TTC6: variants seen among roughly 807,000 people sequenced by gnomAD.
The protein encoded by TTC6 is tetratricopeptide repeat domain 6.
A neutral mutation model predicts 210.4 loss-of-function variants in TTC6; 172 were observed. The observed-to-expected ratio is 0.82, with a 90% CI of 0.72 to 0.93. The LOEUF (loss-of-function observed/expected upper bound fraction) is 0.93. Ranked by LOEUF, TTC6 falls within the 40% of genes least tolerant of loss-of-function variation. TTC6 has a pLI of 0.00. For synonymous variants in TTC6, 804 were observed against 819.6 expected (o/e 0.98, Z 0.32); for missense variants, 2,414 against 2,318.1 (o/e 1.04, Z -0.85).
At chr14:37,676,454 C>T (rs2095769715) in intron 1 of TTC6, among the ~76,000 whole-genome samples, 1 of 151,938 alleles carries the variant, frequency 6.6e-6, no homozygotes, top group Non-Finnish European at 1.5e-5. Flanking sequence ...CTTATATATT[C>T]CTAATACTAG....
At chr14:37,725,421 G>T (rs1175382057) in intron 7 of TTC6, among the ~76,000 whole-genome samples, 3 of 143,698 alleles carry the variant, frequency 2.1e-5, no homozygotes, top group African/African-American at 7.7e-5. Flanking sequence ...TGCGATCTTG[G>T]CTCACCGCAA....
At chr14:37,643,415 G>T (rs1187268775) in intron 1 of TTC6, among the ~76,000 whole-genome samples, 2 of 152,158 alleles carry the variant, frequency 1.3e-5, no homozygotes, top group Non-Finnish European at 2.9e-5. Context: ...TTTTCAACTT[G>T]AGAGAATGGG....
chr14:37,771,307 T>C (rs1312028369), intron 14 of TTC6, among the ~76,000 whole-genome samples: 1 of 151,942 alleles, frequency 6.6e-6, no homozygotes, highest in Non-Finnish European at 1.5e-5. Context: ...TCAAGGAGTA[T>C]CTTTGTGGCG....
intron 1 of TTC6, among the ~76,000 whole-genome samples, chr14:37,665,244 A>C (rs949072100): frequency 6.6e-6 from 1 of 150,616 alleles, no homozygotes; most frequent in Non-Finnish European, 1.5e-5. Flanking sequence ...ACATGGAATC[A>C]ACCTAAATGC....
At chr14:37,703,974 A>T (rs2095830518) in intron 5 of TTC6, among the ~76,000 whole-genome samples, 1 of 152,172 alleles carries the variant, frequency 6.6e-6, no homozygotes, top group Non-Finnish European at 1.5e-5. Flanking sequence ...AGCCTTTCGG[A>T]CATCTCTTGT....
At chr14:37,729,645 C>T (rs1001465425) in intron 7 of TTC6, among the ~76,000 whole-genome samples, 3 of 152,136 alleles carry the variant, frequency 2.0e-5, no homozygotes, top group Non-Finnish European at 4.4e-5. Context: ...CTACCTAATC[C>T]TTCCTCTCTC....
At chr14:37,683,028 A>G (rs1036489334) in intron 3 of TTC6, 64 bp downstream of exon 5, 22 of 1,469,916 alleles carry the variant, frequency 1.5e-5, no homozygotes, top group Non-Finnish European at 1.4e-5. Context: ...GCAGGTGTGA[A>G]GAATTGGCCC....
intron 22 of TTC6, among the ~76,000 whole-genome samples, chr14:37,807,076 A>C (rs1437136851): frequency 6.6e-6 from 1 of 152,182 alleles, no homozygotes; most frequent in Non-Finnish European, 1.5e-5. Flanking sequence ...AATAGTGCAG[A>C]AAAAAATAGA....
At chr14:37,662,496 T>G (rs567795566) in intron 1 of TTC6, among the ~76,000 whole-genome samples, 1 of 152,316 alleles carries the variant, frequency 6.6e-6, no homozygotes, top group South Asian at 2.1e-4. Context: ...ATCCTGGGAC[T>G]GAAGCCAACT....
Position 37,642,980 on chromosome 14 carries a change from A to C in TTC6, c.939+19977A>C, listed in dbSNP as rs140237056. The stretch of plus-strand genomic sequence containing the variant: ...TATATGGGGTCTGTCATTGACTGAA[A>C]TGTCACTATGTGGCACACAAAATGA... On this transcript the variant is annotated intron_variant, in intron 1 of 30. Coordinates refer to ENST00000553443, the Ensembl canonical transcript of TTC6. Among the ~76,000 whole-genome samples, 9 of 152,358 alleles carry C rather than the reference A, an allele frequency of 5.9e-5. No individual in the cohort carries two copies. In the East Asian group the frequency reaches 1.5e-3, roughly 26 times the overall value.
intron 7 of TTC6, among the ~76,000 whole-genome samples, chr14:37,730,862 T>C (rs1355772902): frequency 6.6e-6 from 1 of 152,200 alleles, no homozygotes; most frequent in Non-Finnish European, 1.5e-5. Flanking sequence ...AAGACTTAAG[T>C]CTTTTTACAT....
At chr14:37,647,564 G>A (rs1204942438) in intron 1 of TTC6, among the ~76,000 whole-genome samples, 1 of 152,146 alleles carries the variant, frequency 6.6e-6, no homozygotes, top group Non-Finnish European at 1.5e-5. Flanking sequence ...TGAAGATCAA[G>A]GGGGCAGCCC....
chr14:37,622,254 C>G, exon 1 of TTC6: 1 of 1,535,244 alleles, frequency 6.5e-7, no homozygotes. Context: ...CCGCCCCGCG[C>G]GCGTTTCCTG....
chr14:37,792,616 C>T (rs960310043), intron 17 of TTC6, among the ~76,000 whole-genome samples: 1 of 151,990 alleles, frequency 6.6e-6, no homozygotes, highest in Non-Finnish European at 1.5e-5. Flanking sequence ...TTATGTCTTT[C>T]ACTTTTGAAA....
At chr14:37,758,287 G>A (rs1306527685) in intron 14 of TTC6, among the ~76,000 whole-genome samples, 1 of 152,144 alleles carries the variant, frequency 6.6e-6, no homozygotes, top group East Asian at 1.9e-4. Context: ...GAATGATAAA[G>A]TCTCCCATTA....
rs532690678 is a variant in TTC6 at position 37,670,474 on chromosome 14, C to CCTTTTTTTTTTT, written c.940-9677_940-9676insCTTTTTTTTTTT. Among the ~76,000 whole-genome samples the CCTTTTTTTTTTT allele has an allele frequency of 3.3e-3, 404 of 121,272 alleles. 16 individuals are homozygous for CCTTTTTTTTTTT. The highest frequency in any genetic ancestry group is 4.0e-3 in the Non-Finnish European group (238 of 59,512). 79.6% of individuals were successfully genotyped at this position (121,272 alleles called of 152,430 possible). A position where few individuals can be genotyped will look rare whatever the true frequency, so the allele number is the denominator to read the frequency against. ...TAAGGATCTAGCACAAACTACCTCACTTTTTTTTTTTTTTTTTTTTTAGTC... is the reference window on the plus strand; with the variant it reads ...TAAGGATCTAGCACAAACTACCTCACCTTTTTTTTTTTTTTTTTTTTTTTTTTTTTTTTAGTC... On this transcript the variant is annotated intron_variant, in intron 1 of 30. Coordinates refer to ENST00000553443, the Ensembl canonical transcript of TTC6.
Position 37,735,984 on chromosome 14 carries a change from C to T in TTC6, c.1882C>T (p.His628Tyr), listed in dbSNP as rs560518207. 2.4e-4 allele frequency: 373 copies of T among 1,533,440 alleles called. 8 individuals are homozygous for T. The South Asian group carries it at 4.2e-3, about 17-fold the overall frequency. 95.0% of individuals were successfully genotyped at this position (1,533,440 alleles called of 1,614,324 possible). The change falls in exon 8 of 31, where the codon CAT becomes TAT. Residue 628 changes from histidine to tyrosine, a missense_variant. His to Tyr is a moderately conservative substitution (Grantham distance 83, BLOSUM62 2). Transcript: ENST00000553443. Reference sequence around the variant, plus strand: ...ATATAAAAGCAGTGTCATTACTTTACATCAACATAGCAGAACAAATTTTTG... The same window carrying T: ...ATATAAAAGCAGTGTCATTACTTTATATCAACATAGCAGAACAAATTTTTG...
intron 6 of TTC6, among the ~76,000 whole-genome samples, chr14:37,721,885 T>TAC (rs1216080766): frequency 5.8e-4 from 84 of 143,610 alleles, no homozygotes; most frequent in African/African-American, 2.0e-3. Flanking sequence ...TATGTATATA[T>TAC]ACACACACAC....
At chr14:37,608,540 C>A (rs531294224) in intron 2 of TTC6, among the ~76,000 whole-genome samples, 1 of 152,210 alleles carries the variant, frequency 6.6e-6, no homozygotes, top group East Asian at 1.9e-4. Flanking sequence ...CTCCTGGGCT[C>A]AAGTGATTCT....
Sources: allele counts gnomAD v4.1 joint callset (sites outside exome capture counted in the v4.1 genomes callset), GRCh38; gene constraint gnomAD v4.1.1; transcripts MANE v1.5; gene names NCBI Gene and HGNC (gene_info 2026-07-23, HGNC 2026-07-21).